SLC39A11: variants seen among roughly 807,000 people sequenced by gnomAD.
SLC39A11 encodes the protein zinc transporter ZIP11.
SLC39A11 carries 33 observed loss-of-function variants against 36.1 expected under a neutral mutation model. The ratio of observed to expected loss-of-function variants is 0.91; its 90% CI spans 0.69 to 1.22. The LOEUF is 1.22. Ranked by LOEUF, SLC39A11 falls within the 50% of genes most tolerant of loss-of-function variation. The probability of loss-of-function intolerance (pLI) is 0.00; values close to 1 mark genes in which losing one functional copy is unlikely to be tolerated. For missense variants in SLC39A11, 432 were observed against 430.3 expected, an observed-to-expected ratio of 1.00 and a Z score of -0.03; for synonymous variants, 166 against 170.3, an observed-to-expected ratio of 0.97 and a Z score of 0.20.
At chr17:73,084,778 T>C (rs2060665003) in intron 3 of SLC39A11, 30 bp downstream of exon 3, 6 of 1,613,154 alleles carry the variant, frequency 3.7e-6, no homozygotes, top group Non-Finnish European at 5.1e-6. Flanking sequence ...TATGCCTCAA[T>C]TTCCATTTCT....
At chr17:72,729,406 TATATATATATA>T (rs2074068670) in intron 7 of SLC39A11, among the ~76,000 whole-genome samples, 1 of 4,072 alleles carries the variant, frequency 2.5e-4, no homozygotes, top group Non-Finnish European at 4.6e-4. Flanking sequence ...CCTGGCTATT[TATATATATATA>T]TATATATATA....
At chr17:72,698,458 C>CAAAAAAA (rs1567958636) in intron 7 of SLC39A11, among the ~76,000 whole-genome samples, 1 of 51,942 alleles carries the variant, frequency 1.9e-5, no homozygotes, top group African/African-American at 1.2e-4. Flanking sequence ...ATAATAAAAA[C>CAAAAAAA]CAAAAAAAAA....
intron 5 of SLC39A11, among the ~76,000 whole-genome samples, chr17:72,878,336 G>A (rs2081026834): frequency 6.6e-6 from 1 of 152,084 alleles, no homozygotes. Context: ...CACTTCTCTT[G>A]GGGATTTCCA....
chr17:72,909,527 G>A (rs577104244), intron 5 of SLC39A11, among the ~76,000 whole-genome samples: 2 of 152,236 alleles, frequency 1.3e-5, no homozygotes, highest in East Asian at 3.9e-4. Context: ...CTGGGCTTCA[G>A]ACATTCAGGA....
At chr17:72,904,100 G>T (rs958830772) in intron 5 of SLC39A11, among the ~76,000 whole-genome samples, 2 of 152,172 alleles carry the variant, frequency 1.3e-5, no homozygotes, top group Non-Finnish European at 2.9e-5. Flanking sequence ...GAGGGCAGAT[G>T]ACACAGAAAC....
At chr17:72,844,543 C>T (rs533058715) in intron 6 of SLC39A11, among the ~76,000 whole-genome samples, 2 of 152,314 alleles carry the variant, frequency 1.3e-5, no homozygotes, top group African/African-American at 4.8e-5. Flanking sequence ...GTGGCATGCG[C>T]CTGTAGTCCC....
intron 6 of SLC39A11, among the ~76,000 whole-genome samples, chr17:72,777,869 A>ATATGTATGTATGTATGTATGTATG: frequency 6.7e-6 from 1 of 150,070 alleles, no homozygotes; most frequent in Non-Finnish European, 1.5e-5. Context: ...ATGTATGTAT[A>ATATGTATGTATGTATGTATGTATG]TATGTATGTA....
chr17:73,007,857 C>T (rs1234672158), intron 4 of SLC39A11, among the ~76,000 whole-genome samples: 2 of 152,220 alleles, frequency 1.3e-5, no homozygotes, highest in African/African-American at 4.8e-5. Flanking sequence ...AATCCCAACA[C>T]TTTGGGAGGC....
At chr17:73,017,696 T>C (rs931161782) in intron 4 of SLC39A11, among the ~76,000 whole-genome samples, 1 of 151,968 alleles carries the variant, frequency 6.6e-6, no homozygotes, top group Admixed American at 6.6e-5. Context: ...CTGGGCAATA[T>C]AGACTTCGTC....
chr17:72,877,482 A>C (rs1254025599), intron 5 of SLC39A11, among the ~76,000 whole-genome samples: 1 of 152,208 alleles, frequency 6.6e-6, no homozygotes, highest in Non-Finnish European at 1.5e-5. Context: ...AAAAGCGGGG[A>C]AAATGGCCTC....
At position 72,869,016 on chromosome 17, in the gene SLC39A11, G is replaced by T. The variant is rs115392402; in HGVS notation, c.431-19212C>A. The stretch of plus-strand genomic sequence containing the variant: ...TCAGCTCAGCTGACTTTAAGACAGG[G>T]AGGTTAGCCAGGTAGGCCTGACCTA... On this transcript the variant is annotated intron_variant, in intron 5 of 9. Transcript: ENST00000255559. 5.2e-3 allele frequency among the ~76,000 whole-genome samples: 793 copies of T among 152,286 alleles called. 5 individuals are homozygous for T. Among genetic ancestry groups the T allele is most frequent in the African/African-American group, 0.018 (769 of 41,578 alleles).
chr17:72,985,201 CA>C (rs1310470566), intron 4 of SLC39A11, among the ~76,000 whole-genome samples: 3 of 152,152 alleles, frequency 2.0e-5, no homozygotes, highest in Non-Finnish European at 2.9e-5. Flanking sequence ...GAGGGACATA[CA>C]GGGGGGAAAG....
At chr17:72,793,676 T>G (rs897238775) in intron 6 of SLC39A11, among the ~76,000 whole-genome samples, 6 of 152,198 alleles carry the variant, frequency 3.9e-5, no homozygotes, top group African/African-American at 1.4e-4. Context: ...GCAATATTCC[T>G]GCCTCAGCCT....
chr17:73,000,084 T>G (rs2089734541), intron 4 of SLC39A11, among the ~76,000 whole-genome samples: 3 of 152,168 alleles, frequency 2.0e-5, no homozygotes, highest in Admixed American at 2.0e-4. Flanking sequence ...TCTAGGGAAT[T>G]GCCCACTTTA....
At chr17:72,942,253 AT>A (rs1291853402) in intron 5 of SLC39A11, among the ~76,000 whole-genome samples, 1 of 151,880 alleles carries the variant, frequency 6.6e-6, no homozygotes, top group Non-Finnish European at 1.5e-5. Flanking sequence ...GGGCCTACCT[AT>A]TTTTCAGTTC....
intron 5 of SLC39A11, among the ~76,000 whole-genome samples, chr17:72,937,415 A>G (rs1051975790): frequency 4.6e-5 from 7 of 152,164 alleles, no homozygotes; most frequent in Non-Finnish European, 7.3e-5. Flanking sequence ...AGATTGCGCC[A>G]CTGCACTTCA....
Position 72,781,323 on chromosome 17 carries a change from G to T in SLC39A11, c.602-44604C>A, listed in dbSNP as rs545548386. Among the ~76,000 whole-genome samples the T allele has an allele frequency of 6.6e-5, 10 of 152,016 alleles. No individual in the cohort carries two copies. The South Asian group carries it at 8.3e-4, about 13-fold the overall frequency. On this transcript the variant is annotated intron_variant, in intron 6 of 9. Transcript: ENST00000255559. ...AACTCCTCCCAGAACTTTCAGGAGA[G>T]AATTTATTTTACTGAAACCTGTCCT...
In SLC39A11 at chr17:72,774,726, A is replaced by T. The variant is rs550758714; in HGVS notation, c.602-38007T>A. 6.6e-5 allele frequency among the ~76,000 whole-genome samples: 10 copies of T among 152,340 alleles called. No individual in the cohort carries two copies. The South Asian group carries it at 1.9e-3, about 28-fold the overall frequency. ...GGCCCCATTTGCTATTCAAAAAATT[A>T]AAAAACTTATTTGAAGAGGAAATAG... On this transcript the variant is annotated intron_variant, in intron 6 of 9. Coordinates refer to ENST00000255559, the MANE Select transcript of SLC39A11 (RefSeq NM_139177.4).
In SLC39A11 at chr17:72,736,711, C is replaced by G. The variant is rs768168618; in HGVS notation, c.610G>C (p.Ala204Pro). ...ATAGCCCCAAATCCAACTCCAACAG[C>G]GAGACCCTCTGAAATAGATGTAAGA... The part of the protein sequence containing the change: ...ITIHNVPEGL[A>P]VGVGFGAIEK... Residue 204 changes from alanine (A) to proline (P), a missense_variant, in exon 7 of 10, where the codon GCT becomes CCT. Ala to Pro is a conservative substitution (Grantham distance 27). Coordinates refer to ENST00000255559, the MANE Select transcript of SLC39A11 (RefSeq NM_139177.4). 6.2e-7 allele frequency: 1 copy of G among 1,613,674 alleles called. No individual in the cohort carries two copies. The highest frequency in any genetic ancestry group is 1.3e-5 in the African/African-American group (1 of 74,872).
Sources: gnomAD v4.1 joint callset for allele counts (sites outside exome capture counted in the v4.1 genomes callset) on GRCh38, gnomAD v4.1.1 for gene constraint, MANE v1.5 for transcripts, NCBI Gene and HGNC (gene_info 2026-07-23, HGNC 2026-07-21) for gene names.